SLC44A5: variants seen among roughly 807,000 people sequenced by gnomAD.
SLC44A5 encodes solute carrier family 44 member 5.
A neutral mutation model predicts 101.8 loss-of-function variants in SLC44A5; 57 were observed. The observed-to-expected ratio is 0.56, with a 90% CI of 0.45 to 0.70. The LOEUF (loss-of-function observed/expected upper bound fraction) is 0.70. Ranked by LOEUF, SLC44A5 falls within the 30% of genes least tolerant of loss-of-function variation. The probability of loss-of-function intolerance (pLI) is 0.00; values close to 1 mark genes in which losing one functional copy is unlikely to be tolerated. For synonymous variants in SLC44A5, 281 were observed against 290.9 expected, an observed-to-expected ratio of 0.97 and a Z score of 0.35; for missense variants, 737 against 853.1, an observed-to-expected ratio of 0.86 and a Z score of 1.70.
intron 2 of SLC44A5, among the ~76,000 whole-genome samples, chr1:75,440,157 A>G (rs994827851): frequency 3.3e-5 from 5 of 152,166 alleles, no homozygotes; most frequent in Admixed American, 6.6e-5. Context: ...GTGGGAACAG[A>G]TAATGAAAAT....
At chr1:75,718,078 A>C in the SLC44A5 span, among the ~76,000 whole-genome samples, 1 of 152,224 alleles carries the variant, frequency 6.6e-6, no homozygotes, top group African/African-American at 2.4e-5. Context: ...AGGATTATGA[A>C]AGTTAAAAAG....
At chr1:75,567,451 G>T (rs957165293) in intron 1 of SLC44A5, among the ~76,000 whole-genome samples, 1 of 152,144 alleles carries the variant, frequency 6.6e-6, no homozygotes, top group Non-Finnish European at 1.5e-5. Flanking sequence ...AAAGAAGAAA[G>T]ATGAGATTAG....
chr1:75,279,407 C>G (rs1453044115), intron 5 of SLC44A5, among the ~76,000 whole-genome samples: 1 of 152,114 alleles, frequency 6.6e-6, no homozygotes, highest in Non-Finnish European at 1.5e-5. Flanking sequence ...ATCCTCCACC[C>G]TAACTCAAGC....
the SLC44A5 span, among the ~76,000 whole-genome samples, chr1:75,697,850 G>A: frequency 1.3e-5 from 2 of 152,206 alleles, no homozygotes; most frequent in African/African-American, 4.8e-5. Flanking sequence ...GAAGCGCAAG[G>A]GGTCACGGAG....
intron 12 of SLC44A5, among the ~76,000 whole-genome samples, chr1:75,228,932 G>A (rs979947609): frequency 6.6e-6 from 1 of 151,348 alleles, no homozygotes; most frequent in African/African-American, 2.4e-5. Context: ...TAATTTTAGT[G>A]TCCAATGTCT....
intron 1 of SLC44A5, among the ~76,000 whole-genome samples, chr1:75,556,368 T>C (rs1672217031): frequency 1.3e-5 from 2 of 152,122 alleles, no homozygotes; most frequent in Admixed American, 1.3e-4. Context: ...GAAAGAGATA[T>C]ATTATGTTAT....
At chr1:75,640,805 T>C in the SLC44A5 span, among the ~76,000 whole-genome samples, 1 of 152,108 alleles carries the variant, frequency 6.6e-6, no homozygotes, top group South Asian at 2.1e-4. Flanking sequence ...TCGAATGTCC[T>C]TAAAATGGGA....
chr1:75,262,925 C>A (rs1022775876), intron 6 of SLC44A5, among the ~76,000 whole-genome samples: 1 of 152,106 alleles, frequency 6.6e-6, no homozygotes, highest in Non-Finnish European at 1.5e-5. Flanking sequence ...AACTGGCTAG[C>A]CATATGCAGA....
chr1:75,676,262 C>T, the SLC44A5 span, among the ~76,000 whole-genome samples: 2 of 152,150 alleles, frequency 1.3e-5, no homozygotes, highest in Non-Finnish European at 2.9e-5. Context: ...TTCATTGCAG[C>T]ACTATTCACA....
intron 2 of SLC44A5, among the ~76,000 whole-genome samples, chr1:75,444,506 G>GAAAGAAAGAAAGAAAGAA (rs1665427494): frequency 6.9e-6 from 1 of 145,232 alleles, no homozygotes; most frequent in Admixed American, 6.9e-5. Context: ...AAGAAAGAAA[G>GAAAGAAAGAAAGAAAGAA]AAAAAGAAAA....
chr1:75,452,817 G>T (rs1665979822), intron 2 of SLC44A5, among the ~76,000 whole-genome samples: 1 of 152,032 alleles, frequency 6.6e-6, no homozygotes, highest in African/African-American at 2.4e-5. Flanking sequence ...AATTATTAGG[G>T]ATTCAACTCA....
chr1:75,457,816 C>G (rs1197914593), intron 2 of SLC44A5, among the ~76,000 whole-genome samples: 1 of 151,686 alleles, frequency 6.6e-6, no homozygotes, highest in Non-Finnish European at 1.5e-5. Context: ...GAGATTGCAC[C>G]ACTGCACTCC....
At chr1:75,496,100 A>C (rs1266508648) in intron 2 of SLC44A5, among the ~76,000 whole-genome samples, 2 of 152,118 alleles carry the variant, frequency 1.3e-5, no homozygotes. Flanking sequence ...CACAGAAATG[A>C]AATCCTAAAA....
chr1:75,237,068 C>T lies in SLC44A5; in HGVS notation c.659G>A (p.Gly220Asp), dbSNP rs1320213866. The change falls in exon 11 of 24, where the codon GGT (glycine) becomes GAT (aspartate). Residue 220 changes from glycine (G) to aspartate (D), a missense_variant and splice_region_variant. Transcript: ENST00000370859. ...CTTTGCATCAAGAAGTTTATTGATA[C>T]CACTGCATTGAAAGAAGGGAAAAAA... ...SVVELGIAAN[G>D]INKLLDAKSL... The T allele has an allele frequency of 1.3e-6, 2 of 1,584,294 alleles. No individual in the cohort carries two copies. The highest frequency in any genetic ancestry group is 1.7e-6 in the Non-Finnish European group (2 of 1,156,236).
At chr1:75,681,006 A>G in the SLC44A5 span, among the ~76,000 whole-genome samples, 1 of 150,714 alleles carries the variant, frequency 6.6e-6, no homozygotes, top group Admixed American at 6.6e-5. Flanking sequence ...AAACTAGAAA[A>G]TCTAGAAGAA....
At chr1:75,588,737 G>A (rs1360231427) in intron 1 of SLC44A5, among the ~76,000 whole-genome samples, 3 of 14,910 alleles carry the variant, frequency 2.0e-4, no homozygotes, top group African/African-American at 6.8e-4. Flanking sequence ...ACTTCATACT[G>A]GTTTTTTTAA....
intron 2 of SLC44A5, among the ~76,000 whole-genome samples, chr1:75,464,618 A>G (rs1489208473): frequency 6.6e-6 from 1 of 152,052 alleles, no homozygotes; most frequent in East Asian, 1.9e-4. Flanking sequence ...AATGGATGGG[A>G]AAAAAAAGAA....
intron 1 of SLC44A5, among the ~76,000 whole-genome samples, chr1:75,555,159 A>C (rs572168917): frequency 6.6e-6 from 1 of 152,284 alleles, no homozygotes; most frequent in South Asian, 2.1e-4. Flanking sequence ...ACATGAAAGA[A>C]ATTGGACACA....
At chr1:75,457,267 G>A (rs1666240165) in intron 2 of SLC44A5, among the ~76,000 whole-genome samples, 1 of 152,092 alleles carries the variant, frequency 6.6e-6, no homozygotes, top group African/African-American at 2.4e-5. Flanking sequence ...GACACCAGAA[G>A]TCCCAAGTGG....
Sources: gnomAD v4.1 joint callset for allele counts (sites outside exome capture counted in the v4.1 genomes callset) on GRCh38, gnomAD v4.1.1 for gene constraint, MANE v1.5 for transcripts, NCBI Gene and HGNC (gene_info 2026-07-23, HGNC 2026-07-21) for gene names.